The following NCAM1 variants were observed in gnomAD, a reference collection of about 807,000 sequenced individuals.
NCAM1 encodes the protein neural cell adhesion molecule 1.
A neutral mutation model predicts 109.8 loss-of-function variants in NCAM1; 14 were observed. The ratio of observed to expected loss-of-function variants is 0.13; its 90% CI spans 0.08 to 0.20. The LOEUF (loss-of-function observed/expected upper bound fraction) is 0.20, where lower values mean the gene tolerates loss of function less well. Ranked by LOEUF, NCAM1 falls within the 10% of genes least tolerant of loss-of-function variation. The pLI, the probability that NCAM1 is intolerant of heterozygous loss-of-function variation, is 1.00. For missense variants in NCAM1, 774 were observed against 1,109.9 expected (o/e 0.70, Z 4.30); for synonymous variants, 418 against 442.9 (o/e 0.94, Z 0.70).
chr11:113,153,486 G>A (rs190837703), intron 1 of NCAM1, among the ~76,000 whole-genome samples: 1 of 152,156 alleles, frequency 6.6e-6, no homozygotes, highest in African/African-American at 2.4e-5. Context: ...GTGTGTGTGT[G>A]TGTGTATGTG....
chr11:113,065,078 G>T (rs1441316702), intron 1 of NCAM1, among the ~76,000 whole-genome samples: 1 of 152,110 alleles, frequency 6.6e-6, no homozygotes, highest in Non-Finnish European at 1.5e-5. Flanking sequence ...CTGAAATAAG[G>T]AAGTGCTACA....
At chr11:113,116,162 T>C (rs1443393802) in intron 1 of NCAM1, among the ~76,000 whole-genome samples, 2 of 152,254 alleles carry the variant, frequency 1.3e-5, no homozygotes, top group African/African-American at 4.8e-5. Flanking sequence ...TGGTGAGCTT[T>C]TGACAGTAAG....
At chr11:112,993,201 A>C (rs150669804) in intron 1 of NCAM1, among the ~76,000 whole-genome samples, 1 of 152,336 alleles carries the variant, frequency 6.6e-6, no homozygotes, top group African/African-American at 2.4e-5. Context: ...CAGGAAGCAC[A>C]GTACTGGCAT....
chr11:113,076,396 G>T (rs926113262), intron 1 of NCAM1, among the ~76,000 whole-genome samples: 1 of 152,136 alleles, frequency 6.6e-6, no homozygotes, highest in African/African-American at 2.4e-5. Flanking sequence ...CAAATGCATA[G>T]CCATGGCCCC....
intron 1 of NCAM1, among the ~76,000 whole-genome samples, chr11:113,055,624 G>A (rs1469457631): frequency 1.3e-5 from 2 of 151,992 alleles, no homozygotes; most frequent in Non-Finnish European, 2.9e-5. Flanking sequence ...CTCCAAGATG[G>A]CCCCTGTGAT....
intron 14 of NCAM1, among the ~76,000 whole-genome samples, chr11:113,237,063 A>G (rs1945188710): frequency 1.3e-5 from 2 of 152,196 alleles, no homozygotes; most frequent in Non-Finnish European, 2.9e-5. Context: ...TCTGCCATGC[A>G]TGCTAGGGAA....
intron 1 of NCAM1, among the ~76,000 whole-genome samples, chr11:113,174,031 C>T (rs928413150): frequency 6.6e-6 from 1 of 152,040 alleles, no homozygotes; most frequent in Admixed American, 6.6e-5. Flanking sequence ...AGAATAAATG[C>T]TGTGTGTCCA....
At chr11:113,202,556 T>G in intron 2 of NCAM1, 103 bp downstream of exon 2, 1 of 1,019,118 alleles carries the variant, frequency 9.8e-7, no homozygotes, top group South Asian at 1.8e-5. Context: ...AAGCCACACC[T>G]AGAATTCTTG....
intron 1 of NCAM1, among the ~76,000 whole-genome samples, chr11:112,968,966 A>T (rs1433959435): frequency 2.6e-5 from 4 of 152,200 alleles, no homozygotes; most frequent in Admixed American, 2.6e-4. Flanking sequence ...GTCCAGGAAA[A>T]TAATACATCT....
chr11:113,233,605 C>G lies in NCAM1; in HGVS notation c.1693+288C>G, dbSNP rs1945075953. Among the ~76,000 whole-genome samples, 1 of 152,172 alleles carries G rather than the reference C, an allele frequency of 6.6e-6. No individual in the cohort carries two copies. Among genetic ancestry groups the G allele is most frequent in the Non-Finnish European group, 1.5e-5 (1 of 68,036 alleles). On this transcript the variant is annotated intron_variant, in intron 13 of 19. Transcript: ENST00000316851. The surrounding 1 kb of genome is among the most constrained non-coding windows in gnomAD (Gnocchi z 4.5). ...TGAGCGCAGCCAGATGAGTCCAGCC[C>G]ATAGGTTCTGAGCATGGCCAGATGA...
chr11:113,145,969 T>G (rs527932857), intron 1 of NCAM1, among the ~76,000 whole-genome samples: 3 of 152,346 alleles, frequency 2.0e-5, no homozygotes, highest in East Asian at 3.9e-4. Flanking sequence ...GTCTTTGGTT[T>G]TAATCAAAAT....
At chr11:113,258,419 G>A (rs1945885535) in intron 16 of NCAM1, among the ~76,000 whole-genome samples, 1 of 152,178 alleles carries the variant, frequency 6.6e-6, no homozygotes, top group Non-Finnish European at 1.5e-5. Context: ...TAGAGACCAG[G>A]TCACACTGCA....
intron 1 of NCAM1, among the ~76,000 whole-genome samples, chr11:113,182,553 C>T (rs1555108158): frequency 6.6e-6 from 1 of 152,190 alleles, no homozygotes; most frequent in African/African-American, 2.4e-5. Flanking sequence ...CTCTTCATTG[C>T]CACTCTATGA....
At chr11:113,263,011 C>G in intron 17 of NCAM1, 3 of 1,541,126 alleles carry the variant, frequency 1.9e-6, no homozygotes, top group Non-Finnish European at 2.6e-6. Flanking sequence ...CCTGGCAGGA[C>G]CACCATGGCC....
chr11:112,987,173 TG>T (rs1951330125), intron 1 of NCAM1, among the ~76,000 whole-genome samples: 1 of 152,180 alleles, frequency 6.6e-6, no homozygotes, highest in Non-Finnish European at 1.5e-5. Flanking sequence ...AAAAGCATGT[TG>T]GTTAATTTCC....
Position 113,274,339 on chromosome 11 carries a change from T to A in NCAM1, c.2457-928T>A, listed in dbSNP as rs1946361290. 6.6e-6 allele frequency among the ~76,000 whole-genome samples: 1 copy of A among 152,098 alleles called. No homozygotes were observed. The highest frequency in any genetic ancestry group is 2.4e-5 in the African/African-American group (1 of 41,422). On this transcript the variant is annotated intron_variant, in intron 19 of 19. Transcript: ENST00000316851. The surrounding 1 kb of genome is among the most constrained non-coding windows in gnomAD (Gnocchi z 4.1). ...TCCCCAGCATCAAATGGCTGCTGGG[T>A]CTCAAAGTTCAAGAGAAAGGCCTTA...
intron 1 of NCAM1, among the ~76,000 whole-genome samples, chr11:113,160,774 A>G (rs1372985928): frequency 6.6e-6 from 1 of 152,194 alleles, no homozygotes; most frequent in Non-Finnish European, 1.5e-5. Flanking sequence ...GGCTCTGCTT[A>G]TAGAGTGCAG....
intron 1 of NCAM1, among the ~76,000 whole-genome samples, chr11:113,142,047 A>G (rs187483309): frequency 6.6e-6 from 1 of 152,306 alleles, no homozygotes; most frequent in Admixed American, 6.5e-5. Context: ...CGTCTGGGCT[A>G]GAAGATTATC....
chr11:113,145,909 A>G (rs1942000938), intron 1 of NCAM1, among the ~76,000 whole-genome samples: 1 of 152,214 alleles, frequency 6.6e-6, no homozygotes. Flanking sequence ...AAGCATCGCC[A>G]TAGAAATTGA....
Sources: allele counts gnomAD v4.1 joint callset (sites outside exome capture counted in the v4.1 genomes callset), GRCh38; gene constraint gnomAD v4.1.1; non-coding constraint Gnocchi (gnomAD v3.1); transcripts MANE v1.5; gene names NCBI Gene and HGNC (gene_info 2026-07-23, HGNC 2026-07-21).